The following KMT2C variants were observed in gnomAD, a reference collection of about 807,000 sequenced individuals.
KMT2C encodes the protein lysine methyltransferase 2C, also known as histone-lysine N-methyltransferase 2C.
KMT2C carries 88 observed loss-of-function variants against 507.9 expected under a neutral mutation model. The observed-to-expected ratio is 0.17, with a 90% CI of 0.15 to 0.21. The LOEUF is 0.21. KMT2C is among the 10% of genes least tolerant of loss of function. The probability of loss-of-function intolerance (pLI) is 1.00; values close to 1 mark genes in which losing one functional copy is unlikely to be tolerated. For missense variants in KMT2C, 4,954 were observed against 5,957.8 expected (o/e 0.83, Z 5.55); for synonymous variants, 2,049 against 2,080.8 (o/e 0.98, Z 0.42).
chr7:152,228,300 T>C (rs2094997238), intron 18 of KMT2C, among the ~76,000 whole-genome samples: 1 of 152,196 alleles, frequency 6.6e-6, no homozygotes, highest in African/African-American at 2.4e-5. Context: ...TTTGAAAATA[T>C]CCACCTTAGA....
At chr7:152,244,713 G>A (rs2360890) in intron 14 of KMT2C, among the ~76,000 whole-genome samples, 8 of 151,804 alleles carry the variant, frequency 5.3e-5, no homozygotes, top group Non-Finnish European at 8.8e-5. Context: ...GAAATCCTGC[G>A]TCTACAATAG....
At chr7:152,224,302 T>C (rs901094937) in intron 19 of KMT2C, 123 bp from the exon 20 acceptor site, 2 of 1,292,142 alleles carry the variant, frequency 1.5e-6, no homozygotes, top group African/African-American at 3.0e-5. Flanking sequence ...TGAAAATTTT[T>C]CTGATTACTG....
At chr7:152,174,095 AGATGC>A (rs779451153) in intron 39 of KMT2C, 31 bp downstream of exon 39, 1 of 1,068,740 alleles carries the variant, frequency 9.4e-7, no homozygotes, top group Admixed American at 2.1e-5. Context: ...ATGAATGTCT[AGATGC>A]CCAGTAGAAA....
intron 1 of KMT2C, among the ~76,000 whole-genome samples, chr7:152,416,723 CA>C (rs35079842): frequency 0.053 from 6,328 of 119,604 alleles, 195 homozygotes; most frequent in East Asian, 0.11. Flanking sequence ...GACTCTGTAT[CA>C]AAAAAAAAAA....
intron 39 of KMT2C, among the ~76,000 whole-genome samples, chr7:152,171,801 TA>T (rs1458815252): frequency 6.6e-6 from 1 of 152,276 alleles, no homozygotes; most frequent in African/African-American, 2.4e-5. Flanking sequence ...AGAGCTTAGT[TA>T]TTTTATATTC....
At chr7:152,236,927 GAAT>G (rs1329065445) in intron 15 of KMT2C, among the ~76,000 whole-genome samples, 1 of 152,096 alleles carries the variant, frequency 6.6e-6, no homozygotes, top group African/African-American at 2.4e-5. Context: ...TAAATAATCT[GAAT>G]AATAAATACT....
intron 36 of KMT2C, among the ~76,000 whole-genome samples, chr7:152,180,414 T>A (rs748725300): frequency 6.6e-6 from 1 of 152,192 alleles, no homozygotes; most frequent in African/African-American, 2.4e-5. Context: ...AACTATTCAA[T>A]ATATTAGGAA....
chr7:152,247,926 A>G lies in KMT2C; in HGVS notation c.2508T>C (p.Ser836=), dbSNP rs2129163768. 2 of 1,614,134 alleles carry G rather than the reference A, an allele frequency of 1.2e-6. No homozygotes were observed. The highest frequency in any genetic ancestry group is 1.7e-6 in the Non-Finnish European group (2 of 1,179,908). ...CCTGTTTGGACCGAGGTCTACCAGGAGAAAATTTTCTCTTAGTAATAGCTG... is the reference window on the plus strand; with the variant it reads ...CCTGTTTGGACCGAGGTCTACCAGGGGAAAATTTTCTCTTAGTAATAGCTG... ...GKPAITKRKF[S]PGRPRSKQGA... is the part of the protein sequence containing the mutation. Residue 836 remains serine, a synonymous_variant, in exon 14 of 59, where the codon TCT becomes TCC. Coordinates refer to ENST00000262189, the MANE Select transcript of KMT2C (RefSeq NM_170606.3).
chr7:152,336,132 T>C (rs1166366324), intron 2 of KMT2C, among the ~76,000 whole-genome samples: 1 of 152,164 alleles, frequency 6.6e-6, no homozygotes, highest in African/African-American at 2.4e-5. Context: ...TGTTTCAGTC[T>C]TGTGTTCTTT....
At chr7:152,217,803 G>A (rs1178304323) in intron 23 of KMT2C, among the ~76,000 whole-genome samples, 1 of 152,170 alleles carries the variant, frequency 6.6e-6, no homozygotes, top group Admixed American at 6.5e-5. Context: ...GGTCTTTTGT[G>A]TTGTTTTTAA....
chr7:152,412,427 C>A (rs113867400), intron 1 of KMT2C, among the ~76,000 whole-genome samples: 1 of 152,108 alleles, frequency 6.6e-6, no homozygotes, highest in Non-Finnish European at 1.5e-5. Context: ...AATGTTGCAA[C>A]CAATTTTTCT....
intron 41 of KMT2C, 122 bp downstream of exon 41, chr7:152,169,064 A>G (rs1313476200): frequency 1.7e-6 from 1 of 600,472 alleles, no homozygotes; most frequent in East Asian, 2.7e-5. Flanking sequence ...GATGTTTAAT[A>G]AGACAGGAGG....
intron 49 of KMT2C, 72 bp downstream of exon 49, chr7:152,152,633 G>A (rs539781500): frequency 6.5e-7 from 1 of 1,542,316 alleles, no homozygotes; most frequent in Non-Finnish European, 8.9e-7. Context: ...AAGATAATCA[G>A]TATCTCAAAG....
At chr7:152,166,672 A>AAAT (rs538510579) in intron 42 of KMT2C, among the ~76,000 whole-genome samples, 1 of 152,164 alleles carries the variant, frequency 6.6e-6, no homozygotes, top group Admixed American at 6.5e-5. Context: ...AAACATTAAG[A>AAAT]AATAATAATA....
chr7:152,187,206 A>AAT, intron 33 of KMT2C, 56 bp downstream of exon 33: 1 of 1,339,172 alleles, frequency 7.5e-7, no homozygotes, highest in Non-Finnish European at 1.1e-6. Context: ...AAAAAAAAAA[A>AAT]GGTATTGCAC....
chr7:152,418,388 G>C (rs1055002906), intron 1 of KMT2C, among the ~76,000 whole-genome samples: 3 of 152,100 alleles, frequency 2.0e-5, no homozygotes, highest in Non-Finnish European at 4.4e-5. Flanking sequence ...GAGGAAAAGG[G>C]GAGACAGCTG....
intron 1 of KMT2C, among the ~76,000 whole-genome samples, chr7:152,395,654 C>T (rs2097533911): frequency 6.6e-6 from 1 of 152,074 alleles, no homozygotes; most frequent in South Asian, 2.1e-4. Context: ...ATTACAGGTG[C>T]CTACCACCAT....
rs1266672175 is a variant in KMT2C, at chr7:152,171,259, G to A, written c.9453+5C>T. On this transcript the variant is annotated splice_donor_5th_base_variant and intron_variant, in intron 40 of 58. Coordinates refer to ENST00000262189, the MANE Select transcript of KMT2C (RefSeq NM_170606.3). Reference sequence around the variant, plus strand: ...TCTAGAGGGACTCATTACAGGCAGTGTTACCTGAGGAATGGCCTGTGGTCC... The same window carrying A: ...TCTAGAGGGACTCATTACAGGCAGTATTACCTGAGGAATGGCCTGTGGTCC... 1 of 1,596,952 alleles carries A rather than the reference G, an allele frequency of 6.3e-7. No individual in the cohort carries two copies. Among genetic ancestry groups the A allele is most frequent in the Non-Finnish European group, 8.5e-7 (1 of 1,169,634 alleles).
At chr7:152,380,703 A>G (rs73487319) in intron 1 of KMT2C, among the ~76,000 whole-genome samples, 1,194 of 111,712 alleles carry the variant, frequency 0.011, no homozygotes, top group Middle Eastern at 0.033. Flanking sequence ...GTGCCACCGC[A>G]CTCCTGCCTA....
Sources: allele counts gnomAD v4.1 joint callset (sites outside exome capture counted in the v4.1 genomes callset), GRCh38; gene constraint gnomAD v4.1.1; transcripts MANE v1.5; gene names NCBI Gene and HGNC (gene_info 2026-07-23, HGNC 2026-07-21).